The following SNTG2 variants were observed in gnomAD, a reference collection of about 807,000 sequenced individuals.
The protein encoded by SNTG2 is gamma-2-syntrophin.
SNTG2 carries 74 observed loss-of-function variants against 70.9 expected under a neutral mutation model. That is an observed-to-expected ratio of 1.04 (90% CI 0.86 to 1.27). SNTG2 has a LOEUF of 1.27. SNTG2 is among the 50% of genes most tolerant of loss of function. The pLI is 0.00. For synonymous variants in SNTG2, 278 were observed against 273.8 expected, an observed-to-expected ratio of 1.02 and a Z score of -0.15; for missense variants, 717 against 690.7, an observed-to-expected ratio of 1.04 and a Z score of -0.43.
chr2:1,073,579 A>G (rs1034960255), intron 1 of SNTG2, among the ~76,000 whole-genome samples: 2 of 152,240 alleles, frequency 1.3e-5, no homozygotes, highest in Middle Eastern at 3.2e-3. Flanking sequence ...CATTATCGCA[A>G]TATCCACTTG....
At position 1,019,782 on chromosome 2, in the gene SNTG2, C is replaced by T. The variant is rs1459388223; in HGVS notation, c.73-63736C>T. 2.6e-5 allele frequency among the ~76,000 whole-genome samples: 4 copies of T among 152,240 alleles called. No individual in the cohort carries two copies. In the East Asian group the frequency reaches 7.7e-4, roughly 29 times the overall value. On this transcript the variant is annotated intron_variant, in intron 1 of 16. Transcript: ENST00000308624. ...TCAACACAGAGGCCAGGCGTGGTGGCTCAGGTCTGTAATCCCAGCACTTTG... is the reference window on the plus strand; with the variant it reads ...TCAACACAGAGGCCAGGCGTGGTGGTTCAGGTCTGTAATCCCAGCACTTTG...
intron 1 of SNTG2, among the ~76,000 whole-genome samples, chr2:1,059,504 T>C (rs1043322718): frequency 6.6e-6 from 1 of 152,228 alleles, no homozygotes; most frequent in African/African-American, 2.4e-5. Context: ...AATGGAAACT[T>C]GGAGTCACAA....
chr2:1,041,420 G>C (rs1661429249), intron 1 of SNTG2, among the ~76,000 whole-genome samples: 1 of 152,098 alleles, frequency 6.6e-6, no homozygotes, highest in Non-Finnish European at 1.5e-5. Flanking sequence ...ATAATCAATT[G>C]CCTCAGTACA....
chr2:1,307,226 G>A (rs1244959814), intron 14 of SNTG2, among the ~76,000 whole-genome samples: 1 of 148,626 alleles, frequency 6.7e-6, no homozygotes, highest in Non-Finnish European at 1.5e-5. Context: ...CTGTATGTCT[G>A]TGTCTGTGGT....
chr2:981,990 G>T (rs778055183), intron 1 of SNTG2, among the ~76,000 whole-genome samples: 1 of 152,042 alleles, frequency 6.6e-6, no homozygotes, highest in Non-Finnish European at 1.5e-5. Flanking sequence ...ACATGCACTT[G>T]TGCACACACG....
intron 1 of SNTG2, among the ~76,000 whole-genome samples, chr2:974,381 C>T (rs749650107): frequency 3.0e-4 from 45 of 152,204 alleles, no homozygotes; most frequent in Non-Finnish European, 4.4e-4. Flanking sequence ...AAGCTGCACC[C>T]GTTACCTGGC....
chr2:1,060,948 G>A (rs1339716861), intron 1 of SNTG2, among the ~76,000 whole-genome samples: 3 of 152,152 alleles, frequency 2.0e-5, no homozygotes, highest in East Asian at 1.9e-4. Flanking sequence ...AGAAACTTGC[G>A]GGTCCACAAC....
chr2:1,348,254 T>G (rs1403756609), intron 16 of SNTG2, among the ~76,000 whole-genome samples: 1 of 152,212 alleles, frequency 6.6e-6, no homozygotes, highest in Non-Finnish European at 1.5e-5. Context: ...CCCCCAGCCA[T>G]CTGAATGGAC....
chr2:1,082,119 G>C (rs1330035088), intron 1 of SNTG2, among the ~76,000 whole-genome samples: 1 of 152,240 alleles, frequency 6.6e-6, no homozygotes, highest in East Asian at 1.9e-4. Context: ...AGCTTCCCTC[G>C]GCGATGGTCT....
intron 4 of SNTG2, among the ~76,000 whole-genome samples, chr2:1,110,289 T>C (rs1190226873): frequency 1.3e-5 from 2 of 152,202 alleles, no homozygotes; most frequent in Admixed American, 1.3e-4. Flanking sequence ...CTTTGTGTGA[T>C]GGGGTCACCA....
chr2:1,083,471 C>T, intron 1 of SNTG2, 47 bp from the exon 2 acceptor site: 1 of 1,609,840 alleles, frequency 6.2e-7, no homozygotes, highest in Non-Finnish European at 8.5e-7. Flanking sequence ...CCACCCCTGG[C>T]TCCTGCCCTC....
intron 4 of SNTG2, among the ~76,000 whole-genome samples, chr2:1,100,375 C>T (rs1355262867): frequency 6.6e-6 from 1 of 152,176 alleles, no homozygotes; most frequent in Non-Finnish European, 1.5e-5. Context: ...GAACTCCTGA[C>T]CTCAGGTGAT....
At chr2:1,049,782 G>A (rs1661951469) in intron 1 of SNTG2, among the ~76,000 whole-genome samples, 1 of 152,212 alleles carries the variant, frequency 6.6e-6, no homozygotes. Context: ...AGTTCCTGTT[G>A]CTCTACATCT....
chr2:980,143 T>G (rs559343828), intron 1 of SNTG2, among the ~76,000 whole-genome samples: 1 of 152,186 alleles, frequency 6.6e-6, no homozygotes, highest in Non-Finnish European at 1.5e-5. Context: ...ATCCTCCTTA[T>G]AGTTAATTCT....
At chr2:1,155,511 G>T (rs1349848184) in intron 6 of SNTG2, among the ~76,000 whole-genome samples, 1 of 152,186 alleles carries the variant, frequency 6.6e-6, no homozygotes, top group Non-Finnish European at 1.5e-5. Flanking sequence ...ATTTCAGAAG[G>T]TTAATACAGA....
chr2:1,236,900 A>G (rs1315684027), intron 9 of SNTG2, among the ~76,000 whole-genome samples: 1 of 151,914 alleles, frequency 6.6e-6, no homozygotes, highest in Non-Finnish European at 1.5e-5. Context: ...GCTTGAGACC[A>G]TGGAGGTATT....
intron 1 of SNTG2, among the ~76,000 whole-genome samples, chr2:977,586 C>T (rs1249955927): frequency 6.6e-6 from 1 of 152,208 alleles, no homozygotes; most frequent in Non-Finnish European, 1.5e-5. Context: ...ACTTGGGAAC[C>T]TTTGCCATCT....
chr2:1,231,261 G>A (rs915188608), intron 9 of SNTG2, among the ~76,000 whole-genome samples: 3 of 151,940 alleles, frequency 2.0e-5, no homozygotes, highest in Admixed American at 1.3e-4. Flanking sequence ...GGGTAACTGC[G>A]GGGGTGAAAT....
intron 1 of SNTG2, 64 bp downstream of exon 1, chr2:951,132 T>TC (rs901076086): frequency 8.5e-6 from 6 of 708,798 alleles, no homozygotes; most frequent in Non-Finnish European, 1.2e-5. Flanking sequence ...CGCGCCCTTC[T>TC]CCCCCCGCCC....
Sources: allele counts gnomAD v4.1 joint callset (sites outside exome capture counted in the v4.1 genomes callset), GRCh38; gene constraint gnomAD v4.1.1; transcripts MANE v1.5; gene names NCBI Gene and HGNC (gene_info 2026-07-23, HGNC 2026-07-21).